TET1: variants seen among roughly 807,000 people sequenced by gnomAD.
TET1 encodes tet methylcytosine dioxygenase 1, also known as methylcytosine dioxygenase TET1.
In TET1, 13 loss-of-function variants were observed where a neutral mutation model predicts 148.7. The observed-to-expected ratio is 0.09, with a 90% CI of 0.06 to 0.14. The LOEUF is 0.14. Ranked by LOEUF, TET1 falls within the 10% of genes least tolerant of loss-of-function variation. The pLI is 1.00. For synonymous variants in TET1, 907 were observed against 937.2 expected (o/e 0.97, Z 0.59); for missense variants, 2,182 against 2,553.8 (o/e 0.85, Z 3.14).
chr10:68,613,160 G>A (rs1203592160), intron 3 of TET1, among the ~76,000 whole-genome samples: 1 of 152,206 alleles, frequency 6.6e-6, no homozygotes, highest in Non-Finnish European at 1.5e-5. Flanking sequence ...AGCGTTGATA[G>A]TCTCTGTAAT....
At chr10:68,676,851 G>A (rs1564506715) in intron 8 of TET1, among the ~76,000 whole-genome samples, 1 of 152,180 alleles carries the variant, frequency 6.6e-6, no homozygotes, top group Non-Finnish European at 1.5e-5. Flanking sequence ...CAAAACTGTT[G>A]TTCCCAGCTC....
chr10:68,620,162 G>C (rs920568697), intron 3 of TET1, among the ~76,000 whole-genome samples: 2 of 152,182 alleles, frequency 1.3e-5, no homozygotes, highest in African/African-American at 4.8e-5. Flanking sequence ...CAGCTTGAGC[G>C]ACAGAGCGAG....
At chr10:68,665,522 C>T (rs2055185534) in intron 6 of TET1, among the ~76,000 whole-genome samples, 1 of 152,034 alleles carries the variant, frequency 6.6e-6, no homozygotes, top group South Asian at 2.1e-4. Flanking sequence ...TTAAAGACTC[C>T]TAACCATTGT....
chr10:68,609,924 G>A (rs1163653362), intron 3 of TET1, among the ~76,000 whole-genome samples: 1 of 151,920 alleles, frequency 6.6e-6, no homozygotes, highest in Non-Finnish European at 1.5e-5. Flanking sequence ...AAGGCTAGTG[G>A]GTTGCCTGAG....
In TET1 at chr10:68,630,259, T is replaced by A. The variant is rs573367769; in HGVS notation, c.1969-14439T>A. ...GTTATTATTAAGTGGGTACTGGGAT[T>A]AAAGCAGGTATGGGGAAGAGGTTAC... is the stretch of plus-strand genomic sequence containing the variant. On this transcript the variant is annotated intron_variant, in intron 3 of 11. Coordinates refer to ENST00000373644, the MANE Select transcript of TET1 (RefSeq NM_030625.3). Among the ~76,000 whole-genome samples the A allele has an allele frequency of 2.0e-5, 3 of 152,264 alleles. No individual in the cohort carries two copies. In the East Asian group the frequency reaches 5.8e-4, roughly 29 times the overall value.
chr10:68,668,248 G>T (rs554217165), intron 7 of TET1, among the ~76,000 whole-genome samples: 1 of 152,036 alleles, frequency 6.6e-6, no homozygotes, highest in South Asian at 2.1e-4. Flanking sequence ...TCCCACAAAA[G>T]GTTTTGTTTT....
intron 1 of TET1, among the ~76,000 whole-genome samples, chr10:68,564,866 A>G (rs2053589711): frequency 6.6e-6 from 1 of 152,056 alleles, no homozygotes; most frequent in Admixed American, 6.6e-5. Context: ...ACAAAAAATA[A>G]AAAGAACTTA....
chr10:68,684,659 G>T (rs1308554264), intron 10 of TET1, among the ~76,000 whole-genome samples: 1 of 152,084 alleles, frequency 6.6e-6, no homozygotes, highest in Non-Finnish European at 1.5e-5. Context: ...GTCTTATCCG[G>T]AACTTGACAT....
At chr10:68,624,419 A>G (rs1458697024) in intron 3 of TET1, among the ~76,000 whole-genome samples, 1 of 151,976 alleles carries the variant, frequency 6.6e-6, no homozygotes, top group African/African-American at 2.4e-5. Flanking sequence ...CCTTCCGAGT[A>G]GCTGGGATTA....
At chr10:68,595,977 C>CACAT (rs2053979766) in intron 2 of TET1, among the ~76,000 whole-genome samples, 1 of 59,082 alleles carries the variant, frequency 1.7e-5, no homozygotes, top group Non-Finnish European at 3.1e-5. Flanking sequence ...CACACACACA[C>CACAT]ATATATACAC....
intron 3 of TET1, among the ~76,000 whole-genome samples, chr10:68,628,846 T>C (rs1199047696): frequency 1.3e-5 from 2 of 152,172 alleles, no homozygotes; most frequent in Non-Finnish European, 2.9e-5. Context: ...TGTTGATGTT[T>C]AGCAGGTGCA....
intron 11 of TET1, among the ~76,000 whole-genome samples, chr10:68,689,472 G>A (rs1240250906): frequency 1.3e-5 from 2 of 152,060 alleles, no homozygotes; most frequent in African/African-American, 4.8e-5. Context: ...GGAGGCAGAG[G>A]CGGGCGGATC....
intron 2 of TET1, among the ~76,000 whole-genome samples, chr10:68,582,956 A>C (rs768943276): frequency 2.0e-5 from 3 of 152,202 alleles, no homozygotes; most frequent in South Asian, 2.1e-4. Context: ...CAAGTTTGTC[A>C]GTATAAAGGC....
At chr10:68,662,633 C>G (rs7911637) in intron 6 of TET1, among the ~76,000 whole-genome samples, 27,649 of 151,980 alleles carry the variant, frequency 0.18, 3,130 homozygotes, top group African/African-American at 0.31. Context: ...TGGGCGTGGG[C>G]CCTCACACCT....
chr10:68,678,279 A>G (rs1194456397), intron 8 of TET1, among the ~76,000 whole-genome samples: 1 of 152,164 alleles, frequency 6.6e-6, no homozygotes, highest in Non-Finnish European at 1.5e-5. Context: ...TGGAAATTGG[A>G]CCAGGTTTGT....
chr10:68,656,396 G>A (rs1444013996), intron 6 of TET1, among the ~76,000 whole-genome samples: 1 of 152,036 alleles, frequency 6.6e-6, no homozygotes, highest in Non-Finnish European at 1.5e-5. Flanking sequence ...CTGAGTAGCT[G>A]GGACTACAGG....
intron 2 of TET1, among the ~76,000 whole-genome samples, chr10:68,580,880 A>G (rs1213620363): frequency 6.6e-6 from 1 of 151,304 alleles, no homozygotes; most frequent in Non-Finnish European, 1.5e-5. Flanking sequence ...CTGAGGTGGC[A>G]GATGGCTTGA....
intron 2 of TET1, among the ~76,000 whole-genome samples, chr10:68,594,026 A>G (rs1437320201): frequency 2.9e-5 from 4 of 140,072 alleles, no homozygotes; most frequent in South Asian, 4.9e-4. Flanking sequence ...ACTGGGTTCA[A>G]GCGATTCTCC....
At position 68,662,102 on chromosome 10, in the gene TET1, T is replaced by A. The variant is rs1589121085; in HGVS notation, c.4462-4943T>A. Reference sequence around the variant, plus strand: ...GTTGGCCATGCTGGTCTCAAACTCCTGAACTCAGGTGGTCTGCCTGCCCTG... The same window carrying A: ...GTTGGCCATGCTGGTCTCAAACTCCAGAACTCAGGTGGTCTGCCTGCCCTG... On this transcript the variant is annotated intron_variant, in intron 6 of 11. Transcript: ENST00000373644. Among the ~76,000 whole-genome samples the A allele has an allele frequency of 2.0e-5, 3 of 150,128 alleles. No homozygotes were observed. The East Asian group carries it at 6.0e-4, about 30-fold the overall frequency.
Sources: gnomAD v4.1 joint callset for allele counts (sites outside exome capture counted in the v4.1 genomes callset) on GRCh38, gnomAD v4.1.1 for gene constraint, MANE v1.5 for transcripts, NCBI Gene and HGNC (gene_info 2026-07-23, HGNC 2026-07-21) for gene names.